ARSG: variants seen among roughly 807,000 people sequenced by gnomAD.
ARSG encodes the protein arylsulfatase G.
In ARSG, 37 loss-of-function variants were observed where a neutral mutation model predicts 50.5. The observed-to-expected ratio is 0.73, with a 90% CI of 0.56 to 0.96. The LOEUF is 0.96. ARSG is among the 50% of genes least tolerant of loss of function. The pLI is 0.00. For synonymous variants in ARSG, 225 were observed against 254.6 expected (o/e 0.88, Z 1.11); for missense variants, 629 against 675.3 (o/e 0.93, Z 0.76).
Position 68,335,160 on chromosome 17 carries a change from C to T in ARSG, c.219-8444C>T, listed in dbSNP as rs577314118. Reference sequence around the variant, plus strand: ...TACAGGTATGTATCACCACACCTGGCTAATTTTTAAATATTTTGTAGAGAC... The same window carrying T: ...TACAGGTATGTATCACCACACCTGGTTAATTTTTAAATATTTTGTAGAGAC... On this transcript the variant is annotated intron_variant, in intron 2 of 11. Coordinates refer to ENST00000621439, the MANE Select transcript of ARSG (RefSeq NM_001267727.2). Among the ~76,000 whole-genome samples, 43 of 152,184 alleles carry T rather than the reference C, an allele frequency of 2.8e-4. 2 individuals are homozygous for T. In the South Asian group the frequency reaches 8.9e-3, roughly 32 times the overall value.
At chr17:68,326,306 G>T (rs1194152168) in intron 2 of ARSG, among the ~76,000 whole-genome samples, 1 of 152,218 alleles carries the variant, frequency 6.6e-6, no homozygotes, top group Admixed American at 6.5e-5. Flanking sequence ...GGAGACCAGA[G>T]CAGAGTGATC....
rs1329683832 is a variant in ARSG at position 68,275,090 on chromosome 17, C to CTTT, written c.-552+15666_-552+15667insTTT. On this transcript the variant is annotated intron_variant, in intron 1 of 11. Coordinates refer to the ARSG transcript ENST00000448504. ...CCACCGCGCCCAGCCTAGTTAGTTT[C>CTTT]TTGACAGGATGAAAGAATGTGAATT... Among the ~76,000 whole-genome samples, 4 of 152,264 alleles carry CTTT rather than the reference C, an allele frequency of 2.6e-5. No homozygotes were observed. The East Asian group carries it at 7.7e-4, about 29-fold the overall frequency.
the ARSG span, among the ~76,000 whole-genome samples, chr17:68,429,736 G>A: frequency 0.6 from 91,286 of 151,806 alleles, 28,844 homozygotes; most frequent in Non-Finnish European, 0.69. Flanking sequence ...CTACAGGCAC[G>A]CACCACCATA....
intron 8 of ARSG, among the ~76,000 whole-genome samples, chr17:68,380,682 C>T (rs190610094): frequency 3.3e-5 from 5 of 152,260 alleles, no homozygotes; most frequent in Middle Eastern, 3.4e-3. Context: ...GTTATTGGTA[C>T]GGCTTCCTGG....
intron 8 of ARSG, among the ~76,000 whole-genome samples, chr17:68,372,878 T>A (rs2079924384): frequency 3.4e-4 from 1 of 2,970 alleles, no homozygotes; most frequent in Non-Finnish European, 1.6e-3. Context: ...GAAATGCTGA[T>A]TTTTTTTTTT....
intron 2 of ARSG, among the ~76,000 whole-genome samples, chr17:68,309,292 C>G (rs11650239): frequency 0.24 from 35,957 of 152,218 alleles, 4,524 homozygotes; most frequent in Non-Finnish European, 0.28. Context: ...CGCGCCTCTC[C>G]CTCCACACCT....
chr17:68,368,732 C>T lies in ARSG; in HGVS notation c.889C>T (p.Leu297Phe). ...VDHTVKENTF[L>F]WFTGDNGPWA... ...CCACACAGTGAAGGAAAACACATTC[C>T]TCTGGTTTACAGGTAAAGTAGTAAA... Residue 297 changes from leucine (L) to phenylalanine (F), a missense_variant, in exon 7 of 12, where the codon CTC (leucine) becomes TTC (phenylalanine). Leu to Phe is a conservative substitution (Grantham distance 22). Transcript: ENST00000621439. 1 of 1,613,268 alleles carries T rather than the reference C, an allele frequency of 6.2e-7. No homozygotes were observed. The highest frequency in any genetic ancestry group is 8.5e-7 in the Non-Finnish European group (1 of 1,179,782).
chr17:68,343,785 A>T lies in ARSG; in HGVS notation c.400A>T (p.Ile134Leu). The change falls in exon 3 of 12, where the codon ATA becomes TTA. Residue 134 changes from isoleucine to leucine, a missense_variant. Transcript: ENST00000621439. ...GCAGCAGGCGGGTTACGTCACTGGG[A>T]TAATAGGTAACTCTGGGCCCCGTCT... ...VLQQAGYVTG[I>L]IGKWHLGHHG... is the part of the protein sequence containing the mutation. The T allele has an allele frequency of 6.2e-7, 1 of 1,610,388 alleles. No individual in the cohort carries two copies. The highest frequency in any genetic ancestry group is 8.5e-7 in the Non-Finnish European group (1 of 1,177,396).
rs2075784782 is a variant in ARSG at position 68,284,053 on chromosome 17, T to C, written c.-551-22890T>C. Among the ~76,000 whole-genome samples, 5 of 142,118 alleles carry C rather than the reference T, an allele frequency of 3.5e-5. No homozygotes were observed. The South Asian group carries it at 1.1e-3, about 31-fold the overall frequency. 93.2% of individuals were successfully genotyped at this position (142,118 alleles called of 152,430 possible). A position where few individuals can be genotyped will look rare whatever the true frequency, so the allele number is the denominator to read the frequency against. On this transcript the variant is annotated intron_variant, in intron 1 of 11. Transcript: ENST00000448504. ...TTGCAGTGAGCCGAGGTCACACCACTGCACTCCAGCCTAGAGTGAGCAATA... is the reference window on the plus strand; with the variant it reads ...TTGCAGTGAGCCGAGGTCACACCACCGCACTCCAGCCTAGAGTGAGCAATA...
At chr17:68,392,194 T>A (rs961430467) in intron 9 of ARSG, among the ~76,000 whole-genome samples, 1 of 152,220 alleles carries the variant, frequency 6.6e-6, no homozygotes, top group Non-Finnish European at 1.5e-5. Context: ...TCAGCCCTCC[T>A]GGCTCCAGTA....
intron 5 of ARSG, among the ~76,000 whole-genome samples, chr17:68,352,187 G>T (rs2078829694): frequency 6.7e-6 from 1 of 150,356 alleles, no homozygotes; most frequent in Non-Finnish European, 1.5e-5. Flanking sequence ...GAGAGAGACA[G>T]AGACAGAGAG....
intron 9 of ARSG, among the ~76,000 whole-genome samples, chr17:68,389,391 G>C (rs1362263685): frequency 4.6e-5 from 7 of 152,110 alleles, no homozygotes; most frequent in African/African-American, 1.7e-4. Flanking sequence ...TGTGGATGAG[G>C]GTGCCAGGGA....
chr17:68,430,761 CTG>C, the ARSG span, among the ~76,000 whole-genome samples: 7 of 152,160 alleles, frequency 4.6e-5, no homozygotes, highest in Non-Finnish European at 7.3e-5. Context: ...AAGGGGGTGA[CTG>C]TTCTGTTGGT....
chr17:68,444,629 T>G, the ARSG span: 1 of 1,552,808 alleles, frequency 6.4e-7, no homozygotes, highest in South Asian at 1.2e-5. Context: ...GAACCGTTCC[T>G]TACAAAGACC....
intron 5 of ARSG, 52 bp downstream of exon 5, chr17:68,351,738 A>G (rs2078773918): frequency 2.5e-6 from 3 of 1,209,884 alleles, no homozygotes. Flanking sequence ...GCAAAGTTCC[A>G]AGACTGTGGT....
chr17:68,389,466 G>A (rs532313777), intron 9 of ARSG, among the ~76,000 whole-genome samples: 8 of 152,048 alleles, frequency 5.3e-5, no homozygotes, highest in South Asian at 2.1e-4. Context: ...CCAGGAAGGC[G>A]TGGGCACCTC....
rs527387389 is a variant in ARSG at position 68,310,420 on chromosome 17, G to A, written c.218+2709G>A. The stretch of plus-strand genomic sequence containing the variant: ...GCGTGGCTTACACTTAAGGCATACT[G>A]AACTCTAAGGGACCACAAAAGAGGA... On this transcript the variant is annotated intron_variant, in intron 2 of 11. Transcript: ENST00000621439. 1.8e-4 allele frequency among the ~76,000 whole-genome samples: 28 copies of A among 152,322 alleles called. No individual in the cohort carries two copies. The South Asian group carries it at 4.6e-3, about 25-fold the overall frequency.
At chr17:68,327,384 T>C (rs755707387) in intron 2 of ARSG, among the ~76,000 whole-genome samples, 13 of 152,172 alleles carry the variant, frequency 8.5e-5, no homozygotes, top group Admixed American at 3.9e-4. Flanking sequence ...GATCAAGGTG[T>C]TGGCAGAGCC....
At chr17:68,304,819 A>T (rs1555763389) in intron 1 of ARSG, among the ~76,000 whole-genome samples, 1 of 152,228 alleles carries the variant, frequency 6.6e-6, no homozygotes, top group African/African-American at 2.4e-5. Context: ...AATGAACCAC[A>T]ATGCCCAGCC....
Sources: allele counts gnomAD v4.1 joint callset (sites outside exome capture counted in the v4.1 genomes callset), GRCh38; gene constraint gnomAD v4.1.1; transcripts MANE v1.5; gene names NCBI Gene and HGNC (gene_info 2026-07-23, HGNC 2026-07-21).